SGCZ: variants seen among roughly 807,000 people sequenced by gnomAD.
The protein encoded by SGCZ is zeta-sarcoglycan.
Under a neutral mutation model 41.3 loss-of-function variants are expected in SGCZ, and 40 were observed. The ratio of observed to expected loss-of-function variants is 0.97; its 90% CI spans 0.75 to 1.26. The LOEUF (loss-of-function observed/expected upper bound fraction) is 1.26, where lower values mean the gene tolerates loss of function less well. Among genes scored for constraint, SGCZ ranks in the 50% most tolerant of loss-of-function variants. The pLI is 0.00. For missense variants in SGCZ, 552 were observed against 369.8 expected (o/e 1.49, Z -4.04); for synonymous variants, 206 against 137.5 (o/e 1.50, Z -3.49).
intron 1 of SGCZ, among the ~76,000 whole-genome samples, chr8:14,702,892 GA>G (rs1409741246): frequency 6.8e-6 from 1 of 147,318 alleles, no homozygotes; most frequent in Non-Finnish European, 1.5e-5. Context: ...TAAAAAGATA[GA>G]TAGACAGGCA....
chr8:14,574,072 G>A (rs1469339109), intron 1 of SGCZ, among the ~76,000 whole-genome samples: 2 of 152,168 alleles, frequency 1.3e-5, no homozygotes, highest in Non-Finnish European at 2.9e-5. Flanking sequence ...CTCCACATGA[G>A]TAATAGATGC....
chr8:15,061,203 T>G (rs1302066942), intron 1 of SGCZ, among the ~76,000 whole-genome samples: 1 of 152,006 alleles, frequency 6.6e-6, no homozygotes, highest in Non-Finnish European at 1.5e-5. Flanking sequence ...ATTTCAGAGG[T>G]GATTAAGTCA....
At chr8:14,359,165 A>T (rs1803411854) in intron 2 of SGCZ, among the ~76,000 whole-genome samples, 1 of 152,172 alleles carries the variant, frequency 6.6e-6, no homozygotes, top group Non-Finnish European at 1.5e-5. Context: ...CCCAAATAAG[A>T]GTACGTGAAG....
intron 3 of SGCZ, among the ~76,000 whole-genome samples, chr8:14,239,983 G>T (rs1032499880): frequency 4.7e-5 from 7 of 149,296 alleles, no homozygotes; most frequent in African/African-American, 1.7e-4. Flanking sequence ...ATTAGGTTGA[G>T]AAGGCAATGG....
At chr8:14,966,846 G>A (rs1801142517) in intron 1 of SGCZ, among the ~76,000 whole-genome samples, 1 of 152,052 alleles carries the variant, frequency 6.6e-6, no homozygotes, top group Admixed American at 6.6e-5. Context: ...GGGAATATAT[G>A]ACAAAAACAT....
intron 1 of SGCZ, among the ~76,000 whole-genome samples, chr8:15,234,916 AC>A (rs1802074879): frequency 6.6e-6 from 1 of 152,212 alleles, no homozygotes; most frequent in South Asian, 2.1e-4. Context: ...ATATTTTTAT[AC>A]TTTTATGCAC....
Position 14,418,952 on chromosome 8 carries a change from C to A in SGCZ, c.235-94748G>T, listed in dbSNP as rs569916359. ...CATAACTGTAGGTTTCGAATAGTCA[C>A]CTGTATCTTCATGTTAACTATCTAC... On this transcript the variant is annotated intron_variant, in intron 2 of 7. Coordinates refer to ENST00000382080, the MANE Select transcript of SGCZ (RefSeq NM_139167.4). 2.6e-5 allele frequency among the ~76,000 whole-genome samples: 4 copies of A among 152,036 alleles called. No individual in the cohort carries two copies. In the South Asian group the frequency reaches 8.3e-4, roughly 31 times the overall value.
At chr8:14,478,047 C>A (rs1400371980) in intron 2 of SGCZ, among the ~76,000 whole-genome samples, 7 of 152,184 alleles carry the variant, frequency 4.6e-5, no homozygotes, top group Non-Finnish European at 7.4e-5. Flanking sequence ...GCAGAGAGCA[C>A]CAAATTCTGG....
At chr8:14,915,225 C>T (rs1437373133) in intron 1 of SGCZ, among the ~76,000 whole-genome samples, 1 of 151,976 alleles carries the variant, frequency 6.6e-6, no homozygotes, top group Non-Finnish European at 1.5e-5. Context: ...AATATCAAGC[C>T]TTTATTAGGA....
chr8:14,117,391 C>T (rs1458938152), intron 5 of SGCZ, among the ~76,000 whole-genome samples: 1 of 114,188 alleles, frequency 8.8e-6, no homozygotes, highest in Non-Finnish European at 1.7e-5. Flanking sequence ...TAAATTGTGA[C>T]ACTGAGATGC....
At chr8:14,289,274 G>C (rs73666513) in intron 3 of SGCZ, among the ~76,000 whole-genome samples, 7,246 of 150,932 alleles carry the variant, frequency 0.048, 578 homozygotes, top group African/African-American at 0.16. Flanking sequence ...TAATTATGAA[G>C]AAGTATAATT....
chr8:15,204,529 T>C (rs923882236), intron 1 of SGCZ, among the ~76,000 whole-genome samples: 5 of 152,154 alleles, frequency 3.3e-5, no homozygotes, highest in African/African-American at 1.2e-4. Context: ...GCATTCTGCT[T>C]CACTGGAAAT....
chr8:14,477,808 A>C (rs1307453101), intron 2 of SGCZ, among the ~76,000 whole-genome samples: 2 of 152,214 alleles, frequency 1.3e-5, no homozygotes, highest in Non-Finnish European at 2.9e-5. Flanking sequence ...TTAGATGATA[A>C]AATAATTTTT....
rs112055119 is a variant in SGCZ at position 14,178,068 on chromosome 8, G to A, written c.425-13366C>T. 9.9e-5 allele frequency among the ~76,000 whole-genome samples: 14 copies of A among 142,084 alleles called. No homozygotes were observed. The South Asian group carries it at 2.2e-3, about 22-fold the overall frequency. The allele number at this position is 142,084 out of a possible 152,430, so 93.2% of individuals were successfully genotyped here. A position where few individuals can be genotyped will look rare whatever the true frequency, so the allele number is the denominator to read the frequency against. On this transcript the variant is annotated intron_variant, in intron 4 of 7. Transcript: ENST00000382080. ...TGCCTCCTGGGTTCAAGGGACTCTC[G>A]TGCCTCAGCCTCCCTAGTAACTGAG... is the stretch of plus-strand genomic sequence containing the variant.
At chr8:14,272,510 A>G (rs1800097479) in intron 3 of SGCZ, among the ~76,000 whole-genome samples, 1 of 152,182 alleles carries the variant, frequency 6.6e-6, no homozygotes, top group Admixed American at 6.5e-5. Flanking sequence ...ATGTTGGCTG[A>G]TTTCAAGCTA....
intron 2 of SGCZ, among the ~76,000 whole-genome samples, chr8:14,452,064 A>T (rs1800610260): frequency 6.6e-6 from 1 of 152,194 alleles, no homozygotes; most frequent in South Asian, 2.1e-4. Flanking sequence ...ATTTGCCAAA[A>T]CTTGGAAATA....
intron 1 of SGCZ, among the ~76,000 whole-genome samples, chr8:14,818,705 T>A (rs567869580): frequency 6.6e-6 from 1 of 152,158 alleles, no homozygotes; most frequent in Admixed American, 6.5e-5. Context: ...CAATTTATGG[T>A]CTAAATGAGA....
At position 14,914,788 on chromosome 8, in the gene SGCZ, T is replaced by C. The variant is rs541898773; in HGVS notation, c.39+322797A>G. Among the ~76,000 whole-genome samples the C allele has an allele frequency of 7.9e-5, 12 of 152,290 alleles. No homozygotes were observed. In the South Asian group the frequency reaches 1.2e-3, roughly 16 times the overall value. On this transcript the variant is annotated intron_variant, in intron 1 of 7. Coordinates refer to ENST00000382080, the MANE Select transcript of SGCZ (RefSeq NM_139167.4). Reference sequence around the variant, plus strand: ...TCTTTGTATACTTCTGAAAAACACATTAATCCTTTCAGTACACTGGAGAGC... The same window carrying C: ...TCTTTGTATACTTCTGAAAAACACACTAATCCTTTCAGTACACTGGAGAGC...
intron 1 of SGCZ, among the ~76,000 whole-genome samples, chr8:14,849,463 C>A (rs1407644318): frequency 6.6e-6 from 1 of 152,186 alleles, no homozygotes; most frequent in East Asian, 1.9e-4. Context: ...GAATACTACT[C>A]ATCAATAAAC....
Sources: gnomAD v4.1 joint callset for allele counts (sites outside exome capture counted in the v4.1 genomes callset) on GRCh38, gnomAD v4.1.1 for gene constraint, MANE v1.5 for transcripts, NCBI Gene and HGNC (gene_info 2026-07-23, HGNC 2026-07-21) for gene names.